MERTK: variants seen among roughly 807,000 people sequenced by gnomAD.
MERTK encodes the protein MER proto-oncogene, tyrosine kinase.
Under a neutral mutation model 99.3 loss-of-function variants are expected in MERTK, and 69 were observed. The observed-to-expected ratio is 0.70, with a 90% CI of 0.57 to 0.85. The LOEUF is 0.85. Among genes scored for constraint, MERTK ranks in the 40% least tolerant of loss-of-function variants. MERTK has a pLI of 0.00. For missense variants in MERTK, 1,125 were observed against 1,249.4 expected (o/e 0.90, Z 1.50); for synonymous variants, 426 against 467.6 (o/e 0.91, Z 1.15).
chr2:111,950,957 G>GT (rs1272560145), intron 4 of MERTK, among the ~76,000 whole-genome samples: 9 of 151,818 alleles, frequency 5.9e-5, no homozygotes, highest in Non-Finnish European at 1.2e-4. Flanking sequence ...AATTTTTGTA[G>GT]TTTTTGTTGT....
intron 1 of MERTK, among the ~76,000 whole-genome samples, chr2:111,919,926 TGGTTCAGAGA>T (rs2104675891): frequency 6.6e-6 from 1 of 152,002 alleles, no homozygotes; most frequent in Admixed American, 6.5e-5. Flanking sequence ...CTGCAAGCCT[TGGTTCAGAGA>T]GGTTGGATAG....
chr2:111,968,464 T>C (rs922043626), intron 6 of MERTK, among the ~76,000 whole-genome samples: 5 of 152,086 alleles, frequency 3.3e-5, no homozygotes, highest in Admixed American at 3.3e-4. Flanking sequence ...GATTCAGGGC[T>C]CAGTCAGAAG....
At chr2:111,954,920 A>AT (rs1046264542) in intron 4 of MERTK, among the ~76,000 whole-genome samples, 23 of 151,942 alleles carry the variant, frequency 1.5e-4, no homozygotes, top group African/African-American at 5.3e-4. Flanking sequence ...TTTTTAATTA[A>AT]TTTTTTTTTA....
Position 111,997,303 on chromosome 2 carries a change from G to A in MERTK, c.1451-20G>A, listed in dbSNP as rs3811633. On this transcript the variant is annotated intron_variant, in intron 9 of 18. Transcript: ENST00000295408. The stretch of plus-strand genomic sequence containing the variant: ...CTCATATATTTCAAACCCATGACTG[G>A]TCTATTGGTATCTCACCAGGTTGGG... The A allele has an allele frequency of 0.27, 440,450 of 1,609,772 alleles. 62,973 individuals carry two copies. Among genetic ancestry groups the A allele is most frequent in the Middle Eastern group, 0.31 (1,855 of 6,054 alleles).
At chr2:111,900,074 AT>A (rs1573555444) in intron 1 of MERTK, among the ~76,000 whole-genome samples, 1 of 152,232 alleles carries the variant, frequency 6.6e-6, no homozygotes, top group Non-Finnish European at 1.5e-5. Context: ...CAGCATGTAG[AT>A]TTTCTCTCTT....
intron 2 of MERTK, among the ~76,000 whole-genome samples, chr2:111,939,643 G>A (rs550869632): frequency 6.9e-6 from 1 of 144,934 alleles, no homozygotes; most frequent in Admixed American, 6.9e-5. Flanking sequence ...ACCATGCCCA[G>A]CTAATTTTTA....
chr2:111,906,894 C>T (rs1160511695), intron 1 of MERTK, among the ~76,000 whole-genome samples: 1 of 152,224 alleles, frequency 6.6e-6, no homozygotes, highest in Non-Finnish European at 1.5e-5. Context: ...TCCACATCCT[C>T]ACTTGTCAAA....
At chr2:111,965,730 G>A (rs1462420942) in intron 5 of MERTK, among the ~76,000 whole-genome samples, 1 of 151,922 alleles carries the variant, frequency 6.6e-6, no homozygotes, top group African/African-American at 2.4e-5. Flanking sequence ...CCAGGTCAGC[G>A]GGGCCTGCTG....
intron 18 of MERTK, chr2:112,022,687 A>G (rs754635444): frequency 6.5e-6 from 4 of 610,990 alleles, no homozygotes; most frequent in Non-Finnish European, 1.2e-5. Flanking sequence ...AATTCCTTAC[A>G]CACCTCTAGG....
chr2:111,953,127 G>GT (rs1245000753), intron 4 of MERTK, among the ~76,000 whole-genome samples: 1 of 152,190 alleles, frequency 6.6e-6, no homozygotes, highest in Non-Finnish European at 1.5e-5. Context: ...GCTTCTGAAT[G>GT]TGGGTGTGCA....
rs538058227 is a variant in MERTK at position 111,997,897 on chromosome 2, C to G, written c.1604+421C>G. On this transcript the variant is annotated intron_variant, in intron 10 of 18. Coordinates refer to ENST00000295408, the MANE Select transcript of MERTK (RefSeq NM_006343.3). The stretch of plus-strand genomic sequence containing the variant: ...CAAAATGTCATCTCTACAGAAAATA[C>G]AAAAATTAGCTGGGCATGATGGCAC... 5.3e-5 allele frequency among the ~76,000 whole-genome samples: 8 copies of G among 152,284 alleles called. No individual in the cohort carries two copies. The East Asian group carries it at 1.5e-3, about 29-fold the overall frequency.
intron 1 of MERTK, among the ~76,000 whole-genome samples, chr2:111,927,949 G>A (rs1045987529): frequency 6.6e-6 from 1 of 152,048 alleles, no homozygotes; most frequent in Non-Finnish European, 1.5e-5. Context: ...CCCTCCCAAC[G>A]TATTTGAATA....
intron 10 of MERTK, among the ~76,000 whole-genome samples, chr2:111,997,824 G>C (rs1465711982): frequency 3.3e-5 from 5 of 152,234 alleles, no homozygotes; most frequent in Non-Finnish European, 5.9e-5. Context: ...GGCCAAGGCA[G>C]GCGGATCACT....
At chr2:111,912,671 A>G (rs1684273707) in intron 1 of MERTK, among the ~76,000 whole-genome samples, 1 of 152,214 alleles carries the variant, frequency 6.6e-6, no homozygotes, top group Non-Finnish European at 1.5e-5. Context: ...TACTCTAAAC[A>G]GATCTGAGAA....
chr2:111,920,168 A>G (rs1684428628), intron 1 of MERTK, among the ~76,000 whole-genome samples: 1 of 152,190 alleles, frequency 6.6e-6, no homozygotes, highest in African/African-American at 2.4e-5. Context: ...AAAGGGCTGT[A>G]CTGTTTTTTA....
At chr2:111,914,310 C>T (rs1467727009) in intron 1 of MERTK, among the ~76,000 whole-genome samples, 1 of 152,030 alleles carries the variant, frequency 6.6e-6, no homozygotes, top group Non-Finnish European at 1.5e-5. Context: ...CAGAGTCTTG[C>T]TCTGTGGCCC....
chr2:112,025,348 G>A (rs533573777), intron 18 of MERTK, among the ~76,000 whole-genome samples: 20 of 152,170 alleles, frequency 1.3e-4, no homozygotes, highest in African/African-American at 4.8e-4. Context: ...CACCACCCTC[G>A]CGCTTCACAC....
intron 6 of MERTK, among the ~76,000 whole-genome samples, chr2:111,970,115 T>A (rs1243619731): frequency 6.6e-6 from 1 of 152,070 alleles, no homozygotes; most frequent in Non-Finnish European, 1.5e-5. Flanking sequence ...GTCTTTTTTG[T>A]GATTGATTTT....
intron 17 of MERTK, among the ~76,000 whole-genome samples, chr2:112,021,962 C>T (rs1038865931): frequency 6.6e-6 from 1 of 151,754 alleles, no homozygotes; most frequent in Non-Finnish European, 1.5e-5. Flanking sequence ...GCCCTTGACC[C>T]GAGATAAGGA....
Sources: gnomAD v4.1 joint callset for allele counts (sites outside exome capture counted in the v4.1 genomes callset) on GRCh38, gnomAD v4.1.1 for gene constraint, MANE v1.5 for transcripts, NCBI Gene and HGNC (gene_info 2026-07-23, HGNC 2026-07-21) for gene names.